SMARCD3: variants seen among roughly 807,000 people sequenced by gnomAD.
The protein encoded by SMARCD3 is SWI/SNF-related matrix-associated actin-dependent regulator of chromatin subfamily D member 3.
In SMARCD3, 14 loss-of-function variants were observed where a neutral mutation model predicts 58.0. The ratio of observed to expected loss-of-function variants is 0.24; its 90% CI spans 0.16 to 0.38. The LOEUF (loss-of-function observed/expected upper bound fraction) is 0.38, where lower values mean the gene tolerates loss of function less well. Among genes scored for constraint, SMARCD3 ranks in the 10% least tolerant of loss-of-function variants. The pLI, the probability that SMARCD3 is intolerant of heterozygous loss-of-function variation, is 1.00. For synonymous variants in SMARCD3, 253 were observed against 253.8 expected (o/e 1.00, Z 0.03); for missense variants, 408 against 636.9 (o/e 0.64, Z 3.87).
rs749673492 is a variant in SMARCD3, at chr7:151,243,719, A to T, written c.291-18T>A. On this transcript the variant is annotated intron_variant, in intron 2 of 12. Coordinates refer to ENST00000262188, the MANE Select transcript of SMARCD3 (RefSeq NM_001003801.2). This position sits in a 1 kb window ranked among gnomAD's most constrained non-coding sequence, Gnocchi z 4.4. ...TCTTGGCACTGTACATTTTTTAAAG[A>T]AAAAACCAGGTTACCATGGCGACAG... 9.2e-5 allele frequency: 147 copies of T among 1,598,942 alleles called. No individual in the cohort carries two copies. The highest frequency in any genetic ancestry group is 1.2e-4 in the Non-Finnish European group (140 of 1,166,450).
At chr7:151,252,799 G>A (rs1459369779), upstream of SMARCD3, among the ~76,000 whole-genome samples, 2 of 152,144 alleles carry the variant, frequency 1.3e-5, no homozygotes, top group East Asian at 3.9e-4. Flanking sequence ...CTGCTTCCAG[G>A]CCAGGGCAGC....
In SMARCD3 at chr7:151,246,763, C is replaced by T. The variant is rs2150596881; in HGVS notation, c.79-1092G>A. Among the ~76,000 whole-genome samples, 1 of 152,210 alleles carries T rather than the reference C, an allele frequency of 6.6e-6. No individual in the cohort carries two copies. The highest frequency in any genetic ancestry group is 1.5e-5 in the Non-Finnish European group (1 of 67,998). ...GCGAAGTGTTCCAAACCCCACTTGT[C>T]CAGACTCCAGAAGGGAGATGGGGAG... On this transcript the variant is annotated intron_variant, in intron 1 of 12. Transcript: ENST00000262188. The surrounding 1 kb of genome is among the most constrained non-coding windows in gnomAD (Gnocchi z 4.4).
chr7:151,261,255 C>G (rs1215375236), intron 2 of SMARCD3, among the ~76,000 whole-genome samples: 1 of 152,206 alleles, frequency 6.6e-6, no homozygotes, highest in African/African-American at 2.4e-5. Flanking sequence ...ACTGTGGGAG[C>G]TGCCTTGCAC....
chr7:151,248,647 C>G lies in SMARCD3; in HGVS notation c.-85G>C, dbSNP rs965454410. 6.3e-7 allele frequency: 1 copy of G among 1,587,192 alleles called. No homozygotes were observed. The highest frequency in any genetic ancestry group is 1.4e-5 in the African/African-American group (1 of 73,744). On this transcript the variant is annotated 5_prime_UTR_variant, in exon 1 of 13. Coordinates refer to ENST00000262188, the MANE Select transcript of SMARCD3 (RefSeq NM_001003801.2). The surrounding 1 kb of genome is among the most constrained non-coding windows in gnomAD (Gnocchi z 6.1). ...CTGCCTTTTTTTTTCCTCCAACTCT[C>G]CCCTCTGAGTCCTGCTGGGCTCTCT...
Position 151,241,526 on chromosome 7 carries a change from T to G in SMARCD3, c.905A>C (p.Lys302Thr). The change falls in exon 8 of 13, where the codon AAG (lysine) becomes ACG (threonine). Residue 302 changes from lysine (K) to threonine (T), a missense_variant. Around this residue, in one of 4 missense-constraint regions of SMARCD3, gnomAD observed 115 missense variants for 257.2 expected, o/e 0.45. Coordinates refer to ENST00000262188, the MANE Select transcript of SMARCD3 (RefSeq NM_001003801.2). The surrounding 1 kb of genome is among the most constrained non-coding windows in gnomAD (Gnocchi z 5.3). ...ATACTTGTCCCCATTGATGTATTCC[T>G]TGTCATGGGAGTCCTGCAGCCTGTT... The part of the protein sequence containing the change: ...KTNRLQDSHD[K>T]EYINGDKYFQ... 1 of 1,612,426 alleles carries G rather than the reference T, an allele frequency of 6.2e-7. No homozygotes were observed. Among genetic ancestry groups the G allele is most frequent in the Non-Finnish European group, 8.5e-7 (1 of 1,179,306 alleles).
chr7:151,242,909 C>T lies in SMARCD3; in HGVS notation c.334-66G>A, dbSNP rs751066579. The T allele has an allele frequency of 2.8e-5, 44 of 1,581,090 alleles. No individual in the cohort carries two copies. The highest frequency in any genetic ancestry group is 1.7e-4 in the Middle Eastern group (1 of 5,936). ...CCAGGGTTGTACCATGGAATGTATG[C>T]ATGTTGTGCAATCCTAGGGTACAAA... On this transcript the variant is annotated intron_variant, in intron 3 of 12. Coordinates refer to ENST00000262188, the MANE Select transcript of SMARCD3 (RefSeq NM_001003801.2). This position sits in a 1 kb window ranked among gnomAD's most constrained non-coding sequence, Gnocchi z 4.7.
chr7:151,242,072 GT>G lies in SMARCD3; in HGVS notation c.675+64del, dbSNP rs1803019203. On this transcript the variant is annotated intron_variant, in intron 6 of 12. Transcript: ENST00000262188. This position sits in a 1 kb window ranked among gnomAD's most constrained non-coding sequence, Gnocchi z 4.7. ...TGGTCCCTGACCCAAATCTGTGCTG[GT>G]TCTTCAGGGATTCTGGCCTGTGGGA... The G allele has an allele frequency of 1.6e-4, 243 of 1,537,234 alleles. No individual in the cohort carries two copies. Among genetic ancestry groups the G allele is most frequent in the Non-Finnish European group, 2.2e-4 (240 of 1,110,316 alleles).
chr7:151,259,391 G>A (rs2150607533), intron 2 of SMARCD3, among the ~76,000 whole-genome samples: 1 of 120,746 alleles, frequency 8.3e-6, no homozygotes, highest in South Asian at 2.5e-4. Flanking sequence ...AAAAGGTAGG[G>A]GCTGTGTGTG....
chr7:151,251,499 A>G (rs1803508429), upstream of SMARCD3, among the ~76,000 whole-genome samples: 1 of 152,086 alleles, frequency 6.6e-6, no homozygotes, highest in African/African-American at 2.4e-5. Context: ...TCAGACCAGA[A>G]AGCTGGGGCG....
At chr7:151,263,365 G>C (rs1468012173) in intron 2 of SMARCD3, among the ~76,000 whole-genome samples, 1 of 152,052 alleles carries the variant, frequency 6.6e-6, no homozygotes, top group Non-Finnish European at 1.5e-5. Context: ...TGGGGAGAGA[G>C]AGGCAGGATG....
chr7:151,248,090 C>T lies in SMARCD3; in HGVS notation c.78+395G>A, dbSNP rs1803359683. 6.6e-6 allele frequency among the ~76,000 whole-genome samples: 1 copy of T among 152,280 alleles called. No individual in the cohort carries two copies. Among genetic ancestry groups the T allele is most frequent in the Admixed American group, 6.5e-5 (1 of 15,304 alleles). On this transcript the variant is annotated intron_variant, in intron 1 of 12. Coordinates refer to ENST00000262188, the MANE Select transcript of SMARCD3 (RefSeq NM_001003801.2). This position sits in a 1 kb window ranked among gnomAD's most constrained non-coding sequence, Gnocchi z 6.1. The stretch of plus-strand genomic sequence containing the variant: ...GACACTGTCCCAACGGATGAACAGA[C>T]AGCCCAGCCCAGCCTCTGCCATGTC...
intron 2 of SMARCD3, among the ~76,000 whole-genome samples, chr7:151,273,113 C>T (rs1022902856): frequency 1.6e-4 from 25 of 152,248 alleles, no homozygotes; most frequent in African/African-American, 4.1e-4. Flanking sequence ...GAGCCTGCAA[C>T]GCACACCGCC....
upstream of SMARCD3, among the ~76,000 whole-genome samples, chr7:151,249,905 A>G (rs1803457180): frequency 6.7e-6 from 1 of 150,140 alleles, no homozygotes; most frequent in African/African-American, 2.5e-5. This position sits in a 1 kb window ranked among gnomAD's most constrained non-coding sequence, Gnocchi z 4.8. Flanking sequence ...CAGGTCCCCA[A>G]AGGCCACGCC....
chr7:151,258,649 C>T (rs73480559), intron 2 of SMARCD3, among the ~76,000 whole-genome samples: 3,692 of 151,920 alleles, frequency 0.024, 137 homozygotes, highest in African/African-American at 0.078. Context: ...GGCCTTCCAT[C>T]TTATTCCGAG....
In SMARCD3 at chr7:151,239,250, TC is replaced by T; in HGVS notation, c.1399-95del. 1 of 1,451,814 alleles carries T rather than the reference TC, an allele frequency of 6.9e-7. No individual in the cohort carries two copies. The highest frequency in any genetic ancestry group is 1.1e-5 in the South Asian group (1 of 87,906). The allele number at this position is 1,451,814 out of a possible 1,614,324, so 89.9% of individuals were successfully genotyped here. A position where few individuals can be genotyped will look rare whatever the true frequency, so the allele number is the denominator to read the frequency against. On this transcript the variant is annotated intron_variant, in intron 12 of 12. Transcript: ENST00000262188. This position sits in a 1 kb window ranked among gnomAD's most constrained non-coding sequence, Gnocchi z 7.0. ...TGACACCGCCTGCCCTGAAAGAGCATCTGGGAGCAGGGAGGGCCATTGCATG... is the reference window on the plus strand; with the variant it reads ...TGACACCGCCTGCCCTGAAAGAGCATTGGGAGCAGGGAGGGCCATTGCATG...
intron 2 of SMARCD3, among the ~76,000 whole-genome samples, chr7:151,263,695 CA>C (rs1803989194): frequency 2.0e-5 from 3 of 152,236 alleles, no homozygotes; most frequent in Admixed American, 2.0e-4. Context: ...CTGGTCTCTG[CA>C]TTTTTTTCTG....
exon 2 of SMARCD3, chr7:151,275,138 A>G: frequency 6.2e-7 from 1 of 1,612,370 alleles, no homozygotes; most frequent in Non-Finnish European, 8.5e-7. Flanking sequence ...GTGGGTGCTG[A>G]AGACCTGGAG....
Position 151,245,639 on chromosome 7 carries a change from G to C in SMARCD3, c.111C>G (p.Pro37=). 6 of 1,185,034 alleles carry C rather than the reference G, an allele frequency of 5.1e-6. No homozygotes were observed. The highest frequency in any genetic ancestry group is 6.3e-6 in the Non-Finnish European group (6 of 945,850). 73.4% of individuals were successfully genotyped at this position (1,185,034 alleles called of 1,614,324 possible). A position where few individuals can be genotyped will look rare whatever the true frequency, so the allele number is the denominator to read the frequency against. ...RPGMPSGARM[P]HQGAPMGPPG... ...GGGGGCCCATGGGCGCCCCCTGGTG[G>C]GGCATCCGGGCTCCAGACGGCATCC... Residue 37 remains proline, a synonymous_variant, in exon 2 of 13, where the codon CCC becomes CCG. Coordinates refer to ENST00000262188, the MANE Select transcript of SMARCD3 (RefSeq NM_001003801.2). The surrounding 1 kb of genome is among the most constrained non-coding windows in gnomAD (Gnocchi z 6.2).
chr7:151,262,648 G>A (rs1182901972), intron 2 of SMARCD3, among the ~76,000 whole-genome samples: 1 of 152,254 alleles, frequency 6.6e-6, no homozygotes, highest in East Asian at 1.9e-4. Flanking sequence ...AGGGCTTTGT[G>A]CCAGGTGTGT....
Sources: allele counts gnomAD v4.1 joint callset (sites outside exome capture counted in the v4.1 genomes callset), GRCh38; gene constraint gnomAD v4.1.1; regional missense constraint gnomAD v4.1.1; non-coding constraint Gnocchi (gnomAD v3.1); transcripts MANE v1.5; gene names NCBI Gene and HGNC (gene_info 2026-07-23, HGNC 2026-07-21).